The following BBX variants were observed in gnomAD, a reference collection of about 807,000 sequenced individuals.
BBX encodes the protein HMG box transcription factor BBX.
BBX carries 30 observed loss-of-function variants against 100.2 expected under a neutral mutation model. The ratio of observed to expected loss-of-function variants is 0.30; its 90% CI spans 0.22 to 0.41. The LOEUF is 0.41. Ranked by LOEUF, BBX falls within the 10% of genes least tolerant of loss-of-function variation. The pLI, the probability that BBX is intolerant of heterozygous loss-of-function variation, is 1.00. For missense variants in BBX, 1,023 were observed against 1,129.8 expected, an observed-to-expected ratio of 0.91 and a Z score of 1.35; for synonymous variants, 376 against 388.1, an observed-to-expected ratio of 0.97 and a Z score of 0.37.
At chr3:107,528,242 C>T (rs1206269338) in intron 2 of BBX, among the ~76,000 whole-genome samples, 2 of 152,250 alleles carry the variant, frequency 1.3e-5, no homozygotes, top group African/African-American at 2.4e-5. Flanking sequence ...AATTTAAAGA[C>T]GTTTTTGCTT....
intron 2 of BBX, among the ~76,000 whole-genome samples, chr3:107,642,949 A>G (rs550733795): frequency 6.6e-6 from 1 of 152,324 alleles, no homozygotes; most frequent in South Asian, 2.1e-4. Flanking sequence ...AAAACATCAG[A>G]AAAGCAGTCA....
At chr3:107,631,382 G>A (rs2056538490) in intron 2 of BBX, among the ~76,000 whole-genome samples, 1 of 152,132 alleles carries the variant, frequency 6.6e-6, no homozygotes, top group African/African-American at 2.4e-5. Context: ...ACGTGCGGTG[G>A]GAGAAAGTGA....
chr3:107,752,609 A>G (rs2065158974), intron 9 of BBX, among the ~76,000 whole-genome samples: 1 of 152,168 alleles, frequency 6.6e-6, no homozygotes, highest in Non-Finnish European at 1.5e-5. Flanking sequence ...TTTAACATCC[A>G]GGGTGATCAT....
rs2059315326 is a variant in BBX at position 107,676,998 on chromosome 3, G to T, written c.-10+31089G>T. On this transcript the variant is annotated intron_variant, in intron 3 of 17. Coordinates refer to ENST00000325805, the MANE Select transcript of BBX (RefSeq NM_001142568.3). ...ACAGGTTTTTATTTTTTTCTCTGAA[G>T]GTTGGTTGTTCATGAATATATGGAT... Among the ~76,000 whole-genome samples the T allele has an allele frequency of 2.6e-5, 4 of 152,038 alleles. No individual in the cohort carries two copies. In the South Asian group the frequency reaches 8.3e-4, roughly 32 times the overall value.
intron 2 of BBX, among the ~76,000 whole-genome samples, chr3:107,610,292 A>G (rs1275554175): frequency 1.3e-5 from 2 of 152,082 alleles, no homozygotes; most frequent in Non-Finnish European, 2.9e-5. Context: ...TTTATTTTTT[A>G]GAATGATCCA....
chr3:107,655,617 C>T (rs2058090722), intron 3 of BBX, among the ~76,000 whole-genome samples: 2 of 149,250 alleles, frequency 1.3e-5, no homozygotes, highest in Admixed American at 1.3e-4. Flanking sequence ...CTACTGGGCT[C>T]AAGTGATCCT....
intron 3 of BBX, among the ~76,000 whole-genome samples, chr3:107,669,976 T>C (rs1461258109): frequency 6.6e-6 from 1 of 152,194 alleles, no homozygotes; most frequent in Non-Finnish European, 1.5e-5. Context: ...AATATTACTT[T>C]ATTAGGAATT....
At chr3:107,711,440 A>C (rs2061716855) in intron 4 of BBX, 2 of 405,392 alleles carry the variant, frequency 4.9e-6, no homozygotes, top group South Asian at 3.6e-5. Context: ...GAATTTTATA[A>C]ACATGTTTTT....
intron 3 of BBX, among the ~76,000 whole-genome samples, chr3:107,685,337 G>T (rs967261113): frequency 6.6e-6 from 1 of 152,122 alleles, no homozygotes; most frequent in Non-Finnish European, 1.5e-5. Context: ...CAGGTGTTTG[G>T]TATAACGAAT....
chr3:107,606,395 T>G (rs2054442201), intron 2 of BBX, among the ~76,000 whole-genome samples: 1 of 152,242 alleles, frequency 6.6e-6, no homozygotes, highest in Non-Finnish European at 1.5e-5. Context: ...TCAATCAGAC[T>G]GGGCTATTCC....
chr3:107,630,979 T>TGG (rs2056511088), intron 2 of BBX, among the ~76,000 whole-genome samples: 2 of 152,224 alleles, frequency 1.3e-5, no homozygotes, highest in African/African-American at 2.4e-5. Context: ...AGGAGGACCC[T>TGG]GGGTGACATC....
intron 2 of BBX, among the ~76,000 whole-genome samples, chr3:107,590,472 A>G: frequency 6.6e-6 from 1 of 152,158 alleles, no homozygotes; most frequent in East Asian, 1.9e-4. Flanking sequence ...GAACCCTAGA[A>G]ATTATTCCTT....
intron 4 of BBX, among the ~76,000 whole-genome samples, chr3:107,715,345 G>A (rs1451145109): frequency 6.6e-6 from 1 of 152,120 alleles, no homozygotes; most frequent in Non-Finnish European, 1.5e-5. Flanking sequence ...AACCTCCAGG[G>A]ATTCCAATGC....
chr3:107,544,872 C>A (rs1441826636), intron 2 of BBX, among the ~76,000 whole-genome samples: 6 of 150,836 alleles, frequency 4.0e-5, no homozygotes, highest in Admixed American at 4.0e-4. Context: ...AAAAAAGTAG[C>A]CGGACATGGT....
intron 2 of BBX, among the ~76,000 whole-genome samples, chr3:107,557,069 A>C (rs2050141988): frequency 6.6e-6 from 1 of 152,208 alleles, no homozygotes; most frequent in Non-Finnish European, 1.5e-5. Flanking sequence ...CATAGGTCTT[A>C]AGTTCTGTAT....
intron 16 of BBX, among the ~76,000 whole-genome samples, chr3:107,799,803 A>G (rs2070221669): frequency 6.6e-6 from 1 of 152,170 alleles, no homozygotes; most frequent in South Asian, 2.1e-4. Flanking sequence ...TGTTCCTGGT[A>G]GCCTCTTTGG....
chr3:107,747,050 G>A lies in BBX; in HGVS notation c.751-915G>A, dbSNP rs141624150. Among the ~76,000 whole-genome samples, 184 of 152,178 alleles carry A rather than the reference G, an allele frequency of 1.2e-3. 1 individual carries two copies. The highest frequency in any genetic ancestry group is 4.3e-3 in the African/African-American group (179 of 41,510). ...CTGAAAAAAAGTTTTTTTCACTTTG[G>A]AACCAAAATTACTAACTCACCTTGC... On this transcript the variant is annotated intron_variant, in intron 8 of 17. Transcript: ENST00000325805.
At position 107,805,544 on chromosome 3, in the gene BBX, A is replaced by C. The variant is rs772232788; in HGVS notation, c.*87A>C. 3.7e-6 allele frequency: 6 copies of C among 1,608,546 alleles called. No homozygotes were observed. Among genetic ancestry groups the C allele is most frequent in the Non-Finnish European group, 5.1e-6 (6 of 1,176,814 alleles). The stretch of plus-strand genomic sequence containing the variant: ...GGATGCTAGTGAGTCCAAGTGGTGG[A>C]AAATATAGACTGCAAACAAGTGCTT... On this transcript the variant is annotated 3_prime_UTR_variant, in exon 18 of 18. Transcript: ENST00000325805.
At chr3:107,707,234 A>G (rs2061445914) in intron 3 of BBX, among the ~76,000 whole-genome samples, 1 of 152,214 alleles carries the variant, frequency 6.6e-6, no homozygotes. Flanking sequence ...AAGCCTGTGC[A>G]TCTGGTGGTT....
Sources: allele counts gnomAD v4.1 joint callset (sites outside exome capture counted in the v4.1 genomes callset), GRCh38; gene constraint gnomAD v4.1.1; transcripts MANE v1.5; gene names NCBI Gene and HGNC (gene_info 2026-07-23, HGNC 2026-07-21).